Variants in PARD6B observed in about 807,000 individuals in gnomAD.
PARD6B encodes par-6 family cell polarity regulator beta, also known as partitioning defective 6 homolog beta.
A neutral mutation model predicts 10.5 loss-of-function variants in PARD6B; 4 were observed. The ratio of observed to expected loss-of-function variants is 0.38; its 90% CI spans 0.19 to 0.87. The LOEUF (loss-of-function observed/expected upper bound fraction) is 0.87, where lower values mean the gene tolerates loss of function less well. Among genes scored for constraint, PARD6B ranks in the 40% least tolerant of loss-of-function variants. PARD6B has a pLI of 0.41. For synonymous variants in PARD6B, 169 were observed against 170.4 expected (o/e 0.99, Z 0.07); for missense variants, 396 against 470.6 (o/e 0.84, Z 1.47).
rs1227865858 is a variant in PARD6B, at chr20:50,752,260, C to T, written c.*1772C>T. ...GCTTTTAATGCATCCAAGTATGCAT[C>T]ATTTTGGATAAAAAATACATCCAAA... is the stretch of plus-strand genomic sequence containing the variant. On this transcript the variant is annotated 3_prime_UTR_variant, in exon 3 of 3. Coordinates refer to ENST00000371610, the MANE Select transcript of PARD6B (RefSeq NM_032521.3). 6 of 985,252 alleles carry T rather than the reference C, an allele frequency of 6.1e-6. No individual in the cohort carries two copies. The highest frequency in any genetic ancestry group is 7.2e-6 in the Non-Finnish European group (6 of 829,868). 61.0% of individuals were successfully genotyped at this position (985,252 alleles called of 1,614,324 possible). A position where few individuals can be genotyped will look rare whatever the true frequency, so the allele number is the denominator to read the frequency against.
chr20:50,741,572 T>G (rs75404458), intron 2 of PARD6B, among the ~76,000 whole-genome samples: 10,385 of 152,102 alleles, frequency 0.068, 391 homozygotes, highest in Non-Finnish European at 0.071. Context: ...TTTTGTGGAG[T>G]GGGGACGGAG....
In PARD6B at chr20:50,751,430, A is replaced by G. The variant is rs187247389; in HGVS notation, c.*942A>G. 380 of 768,608 alleles carry G rather than the reference A, an allele frequency of 4.9e-4. 3 individuals are homozygous for G. The African/African-American group carries it at 8.0e-3, about 16-fold the overall frequency. 47.6% of individuals were successfully genotyped at this position (768,608 alleles called of 1,614,324 possible). A position where few individuals can be genotyped will look rare whatever the true frequency, so the allele number is the denominator to read the frequency against. On this transcript the variant is annotated 3_prime_UTR_variant, in exon 3 of 3. Coordinates refer to ENST00000371610, the MANE Select transcript of PARD6B (RefSeq NM_032521.3). ...GAGTGCAGTGGCGCGATCTTGGCTC[A>G]CTGCAAGCTCTACCTCCTGGGTTCA...
chr20:50,731,888 T>TG, intron 1 of PARD6B, 36 bp downstream of exon 1: 1 of 1,385,152 alleles, frequency 7.2e-7, no homozygotes, highest in South Asian at 1.6e-5. Flanking sequence ...GCGGCGGGCC[T>TG]GGGGGGCCGG....
intron 2 of PARD6B, among the ~76,000 whole-genome samples, chr20:50,741,863 CA>C (rs1228366772): frequency 1.3e-5 from 2 of 151,784 alleles, no homozygotes; most frequent in Non-Finnish European, 2.9e-5. Context: ...GTCTTTTAAG[CA>C]AAGTTGAGCA....
intron 2 of PARD6B, among the ~76,000 whole-genome samples, chr20:50,748,259 G>A (rs868721665): frequency 1.3e-5 from 2 of 152,206 alleles, no homozygotes; most frequent in African/African-American, 4.8e-5. Flanking sequence ...CAGGAGAATC[G>A]CTTGAACCTG....
At chr20:50,749,554 A>G in intron 2 of PARD6B, 105 bp from the exon 3 acceptor site, 1 of 1,004,852 alleles carries the variant, frequency 1.0e-6, no homozygotes, top group East Asian at 2.6e-5. Context: ...TAGTTTGTTT[A>G]TATACCAAAT....
At chr20:50,734,077 G>T (rs59920301) in intron 1 of PARD6B, among the ~76,000 whole-genome samples, 1 of 152,276 alleles carries the variant, frequency 6.6e-6, no homozygotes, top group East Asian at 1.9e-4. Flanking sequence ...AACATGTGCT[G>T]AATGAAGTCG....
rs955028064 is a variant in PARD6B, at chr20:50,753,519, A to T, written c.*3031A>T. On this transcript the variant is annotated 3_prime_UTR_variant, in exon 3 of 3. Transcript: ENST00000371610. ...AATGTTCTCGAGCTATCAACAAAAT[A>T]TATGTACTTTTGTGAGCTATGAATT... The T allele has an allele frequency of 2.5e-5, 23 of 938,298 alleles. No homozygotes were observed. Among genetic ancestry groups the T allele is most frequent in the African/African-American group, 3.6e-5 (2 of 56,186 alleles). The allele number at this position is 938,298 out of a possible 1,614,324, so 58.1% of individuals were successfully genotyped here. A position where few individuals can be genotyped will look rare whatever the true frequency, so the allele number is the denominator to read the frequency against.
At chr20:50,741,181 G>A (rs1568996574) in intron 2 of PARD6B, among the ~76,000 whole-genome samples, 1 of 151,952 alleles carries the variant, frequency 6.6e-6, no homozygotes, top group East Asian at 1.9e-4. Context: ...GGCTGGTCTC[G>A]AACTCCTGAC....
chr20:50,750,372 A>G lies in PARD6B; in HGVS notation c.1003A>G (p.Ile335Val). Residue 335 changes from isoleucine to valine, a missense_variant, in exon 3 of 3, where the codon ATT becomes GTT. Physicochemically the swap from Ile to Val is conservative, Grantham distance 29. This residue lies in a region of PARD6B where 188 missense variants were observed against 169.7 expected (regional missense o/e 1.11). Transcript: ENST00000371610. ...LSFESGQNGF[I>V]PSNEVSLAAI... ...CTTTGAGTCTGGACAGAATGGCTTT[A>G]TTCCCTCTAATGAAGTGAGCTTAGC... 1.2e-6 allele frequency: 2 copies of G among 1,614,230 alleles called. No individual in the cohort carries two copies. The highest frequency in any genetic ancestry group is 1.7e-6 in the Non-Finnish European group (2 of 1,180,044).
chr20:50,749,535 C>CT, intron 2 of PARD6B, 124 bp from the exon 3 acceptor site: 2 of 851,674 alleles, frequency 2.3e-6, no homozygotes, highest in Admixed American at 3.1e-5. Flanking sequence ...TTAGAATAAG[C>CT]TTATTAGCTA....
At chr20:50,737,683 G>T (rs901159957) in intron 1 of PARD6B, among the ~76,000 whole-genome samples, 174 bp from the exon 2 acceptor site, 7 of 152,062 alleles carry the variant, frequency 4.6e-5, no homozygotes. Context: ...GCACATTCTT[G>T]TGCCTTTCTT....
chr20:50,738,343 AATTGGGAATTTATTGAAT>A (rs1451148084), intron 2 of PARD6B, among the ~76,000 whole-genome samples: 1 of 152,236 alleles, frequency 6.6e-6, no homozygotes, highest in Non-Finnish European at 1.5e-5. Context: ...CTTAAGTAGA[AATTGGGAATTTATTGAAT>A]ATTGGGAATT....
At chr20:50,732,928 A>G (rs2087479945) in intron 1 of PARD6B, among the ~76,000 whole-genome samples, 1 of 152,034 alleles carries the variant, frequency 6.6e-6, no homozygotes, top group South Asian at 2.1e-4. Context: ...GTAATGGAGC[A>G]TCATAGATGG....
intron 1 of PARD6B, among the ~76,000 whole-genome samples, chr20:50,734,481 G>C (rs1568994747): frequency 1.3e-5 from 2 of 151,932 alleles, no homozygotes; most frequent in African/African-American, 2.4e-5. Flanking sequence ...TGAGTAGCAA[G>C]ACTACAGGCG....
intron 2 of PARD6B, 91 bp downstream of exon 2, chr20:50,738,170 G>T: frequency 1.2e-6 from 1 of 845,330 alleles, no homozygotes; most frequent in Non-Finnish European, 1.8e-6. Context: ...CACAAACTTA[G>T]TGAATAAACA....
intron 2 of PARD6B, among the ~76,000 whole-genome samples, chr20:50,746,601 A>T (rs2087568899): frequency 6.6e-6 from 1 of 152,234 alleles, no homozygotes; most frequent in Non-Finnish European, 1.5e-5. Flanking sequence ...CTTTCTGCCA[A>T]AATATTTTCT....
In PARD6B at chr20:50,750,745, A is replaced by C. The variant is rs192900373; in HGVS notation, c.*257A>C. Reference sequence around the variant, plus strand: ...GCTTTTGCTGTTTTGTCTGTGGAGAATCAGATGTTAAAGCACATTCTTGGA... The same window carrying C: ...GCTTTTGCTGTTTTGTCTGTGGAGACTCAGATGTTAAAGCACATTCTTGGA... On this transcript the variant is annotated 3_prime_UTR_variant, in exon 3 of 3. Coordinates refer to ENST00000371610, the MANE Select transcript of PARD6B (RefSeq NM_032521.3). The C allele has an allele frequency of 4.0e-6, 5 of 1,239,732 alleles. No homozygotes were observed. The East Asian group carries it at 1.2e-4, about 29-fold the overall frequency. The allele number at this position is 1,239,732 out of a possible 1,614,324, so 76.8% of individuals were successfully genotyped here.
At chr20:50,737,584 C>T (rs371590020) in intron 1 of PARD6B, among the ~76,000 whole-genome samples, 16 of 152,156 alleles carry the variant, frequency 1.1e-4, no homozygotes, top group African/African-American at 3.9e-4. Flanking sequence ...CAGAACAGTC[C>T]GCAGTAAGGC....
Sources: gnomAD v4.1 joint callset for allele counts (sites outside exome capture counted in the v4.1 genomes callset) on GRCh38, gnomAD v4.1.1 for gene constraint, gnomAD v4.1.1 regional missense constraint, MANE v1.5 for transcripts, NCBI Gene and HGNC (gene_info 2026-07-23, HGNC 2026-07-21) for gene names.